The following RASEF variants were observed in gnomAD, a reference collection of about 807,000 sequenced individuals.
RASEF encodes the protein ras and EF-hand domain-containing protein.
A neutral mutation model predicts 90.1 loss-of-function variants in RASEF; 68 were observed. The observed-to-expected ratio is 0.75, with a 90% CI of 0.62 to 0.92. The LOEUF (loss-of-function observed/expected upper bound fraction) is 0.92. Ranked by LOEUF, RASEF falls within the 40% of genes least tolerant of loss-of-function variation. RASEF has a pLI of 0.00. For missense variants in RASEF, 949 were observed against 937.2 expected (o/e 1.01, Z -0.16); for synonymous variants, 331 against 345.2 (o/e 0.96, Z 0.46).
the RASEF span, among the ~76,000 whole-genome samples, chr9:83,100,431 C>G: frequency 2.0e-5 from 3 of 152,172 alleles, no homozygotes; most frequent in Non-Finnish European, 4.4e-5. Flanking sequence ...CAACCAGTAT[C>G]ACAAAGCTTA....
intron 10 of RASEF, 131 bp downstream of exon 10, chr9:83,000,765 A>G: frequency 1.0e-6 from 1 of 959,948 alleles, no homozygotes; most frequent in Non-Finnish European, 1.5e-6. Flanking sequence ...TGTGGAGGAA[A>G]AAGCATTTTA....
rs778017316 is a variant in RASEF, at chr9:83,007,410, T to C, written c.1028+27A>G. 9 of 1,541,068 alleles carry C rather than the reference T, an allele frequency of 5.8e-6. No individual in the cohort carries two copies. The African/African-American group carries it at 1.2e-4, about 21-fold the overall frequency. On this transcript the variant is annotated intron_variant, in intron 7 of 16. Coordinates refer to ENST00000376447, the MANE Select transcript of RASEF (RefSeq NM_152573.4). ...CTAAAAAACAAGTGAAATGTAAATG[T>C]AATGAGCATTTGATCTGCGGACTTA... is the stretch of plus-strand genomic sequence containing the variant.
At chr9:83,106,923 C>T in the RASEF span, among the ~76,000 whole-genome samples, 13 of 152,250 alleles carry the variant, frequency 8.5e-5, no homozygotes, top group East Asian at 5.8e-4. Flanking sequence ...TCCTGTCACA[C>T]GTGTCTGGCA....
chr9:83,000,292 T>G lies in RASEF; in HGVS notation c.1600A>C (p.Lys534Gln), dbSNP rs2118441301. 1.2e-6 allele frequency: 2 copies of G among 1,614,008 alleles called. No homozygotes were observed. Among genetic ancestry groups the G allele is most frequent in the East Asian group, 4.5e-5 (2 of 44,866 alleles). The change falls in exon 12 of 17, where the codon AAA becomes CAA. Residue 534 changes from lysine (K) to glutamine (Q), a missense_variant. Lys to Gln is a moderately conservative substitution (Grantham distance 53, BLOSUM62 1). Coordinates refer to ENST00000376447, the MANE Select transcript of RASEF (RefSeq NM_152573.4). Reference protein sequence around the residue: ...PQTDLVDDNAKSFSSQKAYKI... With the variant: ...PQTDLVDDNAQSFSSQKAYKI... Reference sequence around the variant, plus strand: ...TAAGCCTTCTGTGAGCTAAAAGATTTAGCGTTGTCATCTACCAGGTCTGTC... The same window carrying G: ...TAAGCCTTCTGTGAGCTAAAAGATTGAGCGTTGTCATCTACCAGGTCTGTC...
the RASEF span, among the ~76,000 whole-genome samples, chr9:83,092,706 C>A: frequency 6.6e-6 from 1 of 152,154 alleles, no homozygotes; most frequent in Non-Finnish European, 1.5e-5. Flanking sequence ...GGCTTGGGCA[C>A]CCTGCTTTTA....
At chr9:83,113,647 G>A in the RASEF span, among the ~76,000 whole-genome samples, 3 of 152,112 alleles carry the variant, frequency 2.0e-5, no homozygotes, top group African/African-American at 7.2e-5. Flanking sequence ...TGGCCGCGCT[G>A]GGAGTGTCTG....
the RASEF span, among the ~76,000 whole-genome samples, chr9:83,117,102 T>C: frequency 3.6e-4 from 55 of 151,958 alleles, no homozygotes; most frequent in African/African-American, 1.3e-3. Context: ...TTCTTGAGAA[T>C]AAACCAACTT....
chr9:83,210,887 C>G, the RASEF span, among the ~76,000 whole-genome samples: 2 of 152,190 alleles, frequency 1.3e-5, no homozygotes, highest in African/African-American at 4.8e-5. Context: ...TCAGTCACCC[C>G]AGGTAAAAAG....
intron 16 of RASEF, among the ~76,000 whole-genome samples, 183 bp downstream of exon 16, chr9:82,990,208 T>C (rs566780261): frequency 6.6e-6 from 1 of 152,304 alleles, no homozygotes; most frequent in Admixed American, 6.5e-5. Flanking sequence ...AGTAAAGATA[T>C]TTTGCCAGTG....
At chr9:83,071,944 G>C in the RASEF span, among the ~76,000 whole-genome samples, 1,337 of 152,288 alleles carry the variant, frequency 8.8e-3, 21 homozygotes, top group African/African-American at 0.03. Flanking sequence ...TTCTATTGGT[G>C]TGGCACCTTC....
chr9:83,009,146 A>T (rs1361646081), intron 6 of RASEF, among the ~76,000 whole-genome samples: 1 of 151,764 alleles, frequency 6.6e-6, no homozygotes, highest in Non-Finnish European at 1.5e-5. Flanking sequence ...ATATACACAT[A>T]TCTATGCATT....
chr9:83,019,232 T>A (rs1829399290), intron 3 of RASEF, among the ~76,000 whole-genome samples: 1 of 152,100 alleles, frequency 6.6e-6, no homozygotes, highest in African/African-American at 2.4e-5. Context: ...AAGACTTGCA[T>A]TCAGAATATA....
At chr9:83,118,446 A>C in the RASEF span, among the ~76,000 whole-genome samples, 1 of 152,258 alleles carries the variant, frequency 6.6e-6, no homozygotes, top group South Asian at 2.1e-4. Context: ...TGAAGGGGTC[A>C]ATAAGTCAGG....
intron 16 of RASEF, 55 bp downstream of exon 16, chr9:82,990,336 G>T: frequency 8.7e-7 from 1 of 1,154,932 alleles, no homozygotes; most frequent in South Asian, 1.2e-5. Context: ...GACAAGAAAT[G>T]TGTCATATGC....
intron 1 of RASEF, among the ~76,000 whole-genome samples, chr9:83,031,036 G>A (rs565417187): frequency 6.6e-6 from 1 of 152,242 alleles, no homozygotes; most frequent in East Asian, 1.9e-4. Context: ...TCACCACATG[G>A]TGGAAAACTG....
the RASEF span, among the ~76,000 whole-genome samples, chr9:83,082,155 C>T: frequency 0.021 from 3,152 of 152,190 alleles, 87 homozygotes; most frequent in African/African-American, 0.071. Flanking sequence ...CAGGCCAGGA[C>T]GGAAAAAACG....
the RASEF span, among the ~76,000 whole-genome samples, chr9:83,174,779 A>C: frequency 6.6e-6 from 1 of 152,004 alleles, no homozygotes; most frequent in Non-Finnish European, 1.5e-5. Flanking sequence ...ACTTATTTAG[A>C]TCTTCTTTAA....
the RASEF span, among the ~76,000 whole-genome samples, chr9:83,165,128 TCAA>T: frequency 2.0e-5 from 3 of 152,014 alleles, no homozygotes; most frequent in Admixed American, 6.6e-5. Flanking sequence ...GGACATAAAC[TCAA>T]CAACACCACC....
At chr9:83,135,546 G>A in the RASEF span, among the ~76,000 whole-genome samples, 3 of 152,058 alleles carry the variant, frequency 2.0e-5, no homozygotes, top group Admixed American at 2.0e-4. Context: ...TTAAAAGGGT[G>A]AGTTTTATAG....
Sources: gnomAD v4.1 joint callset for allele counts (sites outside exome capture counted in the v4.1 genomes callset) on GRCh38, gnomAD v4.1.1 for gene constraint, MANE v1.5 for transcripts, NCBI Gene and HGNC (gene_info 2026-07-23, HGNC 2026-07-21) for gene names.